The following GRM8 variants were observed in gnomAD, a reference collection of about 807,000 sequenced individuals.
GRM8 encodes metabotropic glutamate receptor 8.
A neutral mutation model predicts 87.2 loss-of-function variants in GRM8; 47 were observed. The observed-to-expected ratio is 0.54, with a 90% CI of 0.43 to 0.69. The LOEUF (loss-of-function observed/expected upper bound fraction) is 0.69. GRM8 is among the 30% of genes least tolerant of loss of function. GRM8 has a pLI of 0.00. For synonymous variants in GRM8, 396 were observed against 404.5 expected (o/e 0.98, Z 0.25); for missense variants, 1,019 against 1,139.2 (o/e 0.89, Z 1.52).
intron 7 of GRM8, among the ~76,000 whole-genome samples, chr7:126,767,225 A>T (rs10242517): frequency 0.013 from 1,921 of 152,244 alleles, 47 homozygotes; most frequent in African/African-American, 0.044. Context: ...ATCAGGGCTC[A>T]AAAGAGTTAT....
chr7:126,900,356 T>C (rs1801947094), intron 6 of GRM8, among the ~76,000 whole-genome samples: 1 of 152,166 alleles, frequency 6.6e-6, no homozygotes, highest in Admixed American at 6.5e-5. Flanking sequence ...ATCAGCATCC[T>C]CCATGATTTA....
chr7:126,800,631 A>G (rs1171103263), intron 6 of GRM8, among the ~76,000 whole-genome samples: 1 of 152,152 alleles, frequency 6.6e-6, no homozygotes, highest in East Asian at 1.9e-4. Flanking sequence ...CCAGCCCTCT[A>G]GGATCCTTTA....
At chr7:126,761,390 C>T (rs1817580358) in intron 7 of GRM8, among the ~76,000 whole-genome samples, 1 of 152,084 alleles carries the variant, frequency 6.6e-6, no homozygotes, top group Non-Finnish European at 1.5e-5. Flanking sequence ...AGAACAGAGT[C>T]ATCATTCAAA....
At chr7:127,044,293 C>G (rs1447532675) in intron 3 of GRM8, among the ~76,000 whole-genome samples, 1 of 152,160 alleles carries the variant, frequency 6.6e-6, no homozygotes, top group Non-Finnish European at 1.5e-5. Context: ...TTTCCTGTTC[C>G]CCACCATCAG....
At chr7:126,621,403 T>G (rs1336443858) in intron 7 of GRM8, among the ~76,000 whole-genome samples, 2 of 152,138 alleles carry the variant, frequency 1.3e-5, no homozygotes, top group East Asian at 3.9e-4. Flanking sequence ...CAATTACCTT[T>G]TTTGTTTGTT....
At chr7:126,886,574 G>T (rs199558470) in intron 6 of GRM8, among the ~76,000 whole-genome samples, 1 of 151,994 alleles carries the variant, frequency 6.6e-6, no homozygotes, top group Non-Finnish European at 1.5e-5. Flanking sequence ...TAGAAAACAG[G>T]CTTCATTAAT....
intron 8 of GRM8, among the ~76,000 whole-genome samples, chr7:126,593,801 G>A (rs537192298): frequency 6.6e-6 from 1 of 152,126 alleles, no homozygotes; most frequent in East Asian, 1.9e-4. Flanking sequence ...ATCAACAAGA[G>A]TGAAGAGACA....
At chr7:126,613,161 C>A (rs766393669) in intron 7 of GRM8, among the ~76,000 whole-genome samples, 1 of 152,166 alleles carries the variant, frequency 6.6e-6, no homozygotes, top group African/African-American at 2.4e-5. Context: ...GAAAGAGCAT[C>A]GTTGAGTAGC....
At chr7:126,691,151 C>T (rs79057513) in intron 7 of GRM8, among the ~76,000 whole-genome samples, 3,152 of 152,320 alleles carry the variant, frequency 0.021, 96 homozygotes, top group African/African-American at 0.072. Flanking sequence ...CAAGCCAACA[C>T]TGAGCTGCCC....
chr7:126,572,507 T>A (rs1794769256), intron 8 of GRM8, among the ~76,000 whole-genome samples: 1 of 152,210 alleles, frequency 6.6e-6, no homozygotes, highest in African/African-American at 2.4e-5. Context: ...TTTGACTTAT[T>A]ATTGACAATA....
At chr7:126,497,895 A>G (rs755004419) in intron 9 of GRM8, among the ~76,000 whole-genome samples, 2 of 151,984 alleles carry the variant, frequency 1.3e-5, no homozygotes, top group African/African-American at 2.4e-5. Context: ...ATTTGTCAGT[A>G]GAGTGTAGGT....
At chr7:126,856,095 GT>G (rs940068156) in intron 6 of GRM8, among the ~76,000 whole-genome samples, 1 of 151,268 alleles carries the variant, frequency 6.6e-6, no homozygotes, top group Non-Finnish European at 1.5e-5. Flanking sequence ...AAAAATCTAC[GT>G]TTTTTTTCCA....
chr7:126,788,420 A>AAAAAAAACAAAACAAAAAACAAAAAAC, intron 6 of GRM8, among the ~76,000 whole-genome samples: 1 of 81,138 alleles, frequency 1.2e-5, no homozygotes, highest in Non-Finnish European at 2.3e-5. Context: ...AAAAAAAAAA[A>AAAAAAAACAAAACAAAAAACAAAAAAC]AAACCCTTTC....
At chr7:127,231,481 G>A (rs1797681884) in intron 2 of GRM8, among the ~76,000 whole-genome samples, 1 of 152,202 alleles carries the variant, frequency 6.6e-6, no homozygotes, top group Admixed American at 6.5e-5. Flanking sequence ...GGTGGCACAA[G>A]ATAGGTCATA....
chr7:126,884,275 AC>A (rs2131019117), intron 6 of GRM8, among the ~76,000 whole-genome samples: 1 of 152,270 alleles, frequency 6.6e-6, no homozygotes, highest in African/African-American at 2.4e-5. Context: ...AATGTCATTC[AC>A]CTGTGAATTA....
intron 9 of GRM8, among the ~76,000 whole-genome samples, chr7:126,456,544 A>G (rs1327513568): frequency 7.1e-6 from 1 of 140,774 alleles, no homozygotes; most frequent in Non-Finnish European, 1.6e-5. Context: ...AAAAAAAAAA[A>G]AATCAAACAT....
chr7:126,952,939 T>A (rs972950292), intron 3 of GRM8, among the ~76,000 whole-genome samples: 2 of 152,052 alleles, frequency 1.3e-5, no homozygotes, highest in African/African-American at 4.8e-5. Flanking sequence ...AGAATTTGAA[T>A]AAGATTTTTG....
chr7:126,494,078 GCT>G (rs1444101884), intron 9 of GRM8, among the ~76,000 whole-genome samples: 1 of 151,956 alleles, frequency 6.6e-6, no homozygotes, highest in East Asian at 1.9e-4. Context: ...CCAGAGTTCA[GCT>G]CTCTAATCCA....
intron 2 of GRM8, among the ~76,000 whole-genome samples, chr7:127,209,287 G>A (rs1372649272): frequency 1.3e-5 from 2 of 152,160 alleles, no homozygotes; most frequent in East Asian, 1.9e-4. Context: ...ACTCAAGTAC[G>A]AAATCAGGAA....
Sources: allele counts gnomAD v4.1 joint callset (sites outside exome capture counted in the v4.1 genomes callset), GRCh38; gene constraint gnomAD v4.1.1; transcripts MANE v1.5; gene names NCBI Gene and HGNC (gene_info 2026-07-23, HGNC 2026-07-21).